Variants in EBF2 observed in about 807,000 individuals in gnomAD.
EBF2 encodes the protein transcription factor COE2.
Under a neutral mutation model 72.8 loss-of-function variants are expected in EBF2, and 21 were observed. The observed-to-expected ratio is 0.29, with a 90% CI of 0.20 to 0.42. The LOEUF is 0.42. Among genes scored for constraint, EBF2 ranks in the 10% least tolerant of loss-of-function variants. The pLI, the probability that EBF2 is intolerant of heterozygous loss-of-function variation, is 1.00. For missense variants in EBF2, 637 were observed against 731.2 expected (o/e 0.87, Z 1.49); for synonymous variants, 299 against 274.2 (o/e 1.09, Z -0.89).
At chr8:25,908,039 G>A (rs1031611990) in intron 7 of EBF2, among the ~76,000 whole-genome samples, 1 of 152,254 alleles carries the variant, frequency 6.6e-6, no homozygotes, top group African/African-American at 2.4e-5. Flanking sequence ...TGCTTGGGCT[G>A]CTGCCTTCCA....
rs532810942 is a variant in EBF2, at chr8:25,888,656, T to C, written c.752-684A>G. 7.9e-5 allele frequency among the ~76,000 whole-genome samples: 12 copies of C among 152,342 alleles called. No homozygotes were observed. The South Asian group carries it at 2.3e-3, about 29-fold the overall frequency. On this transcript the variant is annotated intron_variant, in intron 8 of 15. Transcript: ENST00000520164. ...ATCAAGAGACAATTTCTAATCACTC[T>C]ACTAACTTTGTAGGAAGGATTTTCC...
At chr8:26,041,032 T>A in intron 2 of EBF2, 30 bp from the exon 3 acceptor site, 1 of 1,612,888 alleles carries the variant, frequency 6.2e-7, no homozygotes. Flanking sequence ...TCGATTCCCT[T>A]GCCTTTCAGC....
intron 6 of EBF2, among the ~76,000 whole-genome samples, chr8:26,018,470 G>C (rs1308218508): frequency 1.4e-5 from 2 of 141,178 alleles, no homozygotes; most frequent in African/African-American, 2.7e-5. Context: ...GGCTAACATG[G>C]TGAAACCCCA....
At chr8:26,034,515 A>G (rs1805464716) in intron 5 of EBF2, among the ~76,000 whole-genome samples, 6 of 152,200 alleles carry the variant, frequency 3.9e-5, no homozygotes, top group Admixed American at 3.9e-4. Context: ...AAAACACTCC[A>G]GTCCAAAGGT....
At chr8:25,933,478 G>T (rs1033369923) in intron 6 of EBF2, among the ~76,000 whole-genome samples, 1 of 152,162 alleles carries the variant, frequency 6.6e-6, no homozygotes, top group Non-Finnish European at 1.5e-5. Context: ...ATCCACAGCT[G>T]GTGGGAGTAT....
intron 2 of EBF2, among the ~76,000 whole-genome samples, chr8:26,041,853 T>C (rs1418303862): frequency 1.3e-5 from 2 of 152,126 alleles, no homozygotes; most frequent in African/African-American, 2.4e-5. Flanking sequence ...AACCAGGCGC[T>C]ACTAAGGCCT....
intron 6 of EBF2, among the ~76,000 whole-genome samples, chr8:25,970,449 A>T (rs1177791151): frequency 2.0e-5 from 3 of 151,776 alleles, no homozygotes; most frequent in Non-Finnish European, 4.4e-5. Flanking sequence ...CCACAGAGCA[A>T]TTTTTTTTCC....
At chr8:25,985,644 A>G (rs1804437821) in intron 6 of EBF2, among the ~76,000 whole-genome samples, 2 of 152,182 alleles carry the variant, frequency 1.3e-5, no homozygotes. Flanking sequence ...AAGATTATTC[A>G]TGGTCCAGCC....
intron 6 of EBF2, among the ~76,000 whole-genome samples, chr8:25,971,558 G>A (rs1049229270): frequency 6.6e-6 from 1 of 152,060 alleles, no homozygotes; most frequent in African/African-American, 2.4e-5. Flanking sequence ...AGAAGGAGTC[G>A]TTTACAACAG....
chr8:25,877,873 GT>G (rs1350524432), intron 10 of EBF2, among the ~76,000 whole-genome samples: 1 of 152,090 alleles, frequency 6.6e-6, no homozygotes, highest in Non-Finnish European at 1.5e-5. Context: ...CAGAACTCAG[GT>G]TTCTCAAACT....
At chr8:26,002,639 G>A (rs1056714468) in intron 6 of EBF2, among the ~76,000 whole-genome samples, 6 of 152,206 alleles carry the variant, frequency 3.9e-5, no homozygotes, top group Non-Finnish European at 7.3e-5. Flanking sequence ...AATACTGCAG[G>A]ATGGAAATGC....
chr8:26,026,333 T>C (rs1805302221), intron 6 of EBF2, among the ~76,000 whole-genome samples: 1 of 152,214 alleles, frequency 6.6e-6, no homozygotes, highest in African/African-American at 2.4e-5. Context: ...TTAGCATACC[T>C]GACCCCCAAA....
chr8:25,903,972 A>G (rs942599873), intron 7 of EBF2, among the ~76,000 whole-genome samples: 1 of 152,204 alleles, frequency 6.6e-6, no homozygotes, highest in Admixed American at 6.5e-5. Flanking sequence ...CCAGGAACAG[A>G]GAGCATTTGA....
At chr8:25,962,165 G>A (rs967711041) in intron 6 of EBF2, among the ~76,000 whole-genome samples, 5 of 152,076 alleles carry the variant, frequency 3.3e-5, no homozygotes, top group Admixed American at 6.6e-5. Context: ...ATGTGTTCCT[G>A]TGCATGAAGA....
intron 7 of EBF2, among the ~76,000 whole-genome samples, chr8:25,894,815 CAACTGATCTGCT>C (rs1309050742): frequency 6.6e-6 from 1 of 152,200 alleles, no homozygotes; most frequent in African/African-American, 2.4e-5. Flanking sequence ...CACCTAAGAT[CAACTGATCTGCT>C]TTAAAAGAAG....
intron 10 of EBF2, among the ~76,000 whole-genome samples, chr8:25,883,279 T>C (rs1221164840): frequency 6.6e-6 from 1 of 152,204 alleles, no homozygotes; most frequent in Non-Finnish European, 1.5e-5. Flanking sequence ...GCTTCAAAAA[T>C]GTCAGCTATT....
intron 10 of EBF2, among the ~76,000 whole-genome samples, chr8:25,879,776 G>C (rs2117282378): frequency 6.6e-6 from 1 of 152,256 alleles, no homozygotes; most frequent in South Asian, 2.1e-4. Flanking sequence ...CTGGTCCTAT[G>C]GCTTTAAATC....
chr8:25,858,569 G>A, intron 13 of EBF2, 65 bp from the exon 14 acceptor site: 1 of 1,511,708 alleles, frequency 6.6e-7, no homozygotes, highest in Non-Finnish European at 8.9e-7. Context: ...CATGTGGCTA[G>A]CACAGGTCCT....
At chr8:25,871,604 A>C (rs1239415765) in intron 10 of EBF2, among the ~76,000 whole-genome samples, 4 of 152,244 alleles carry the variant, frequency 2.6e-5, no homozygotes, top group African/African-American at 7.2e-5. Context: ...TCAAGAGAGA[A>C]AACTCAGACA....
Sources: allele counts gnomAD v4.1 joint callset (sites outside exome capture counted in the v4.1 genomes callset), GRCh38; gene constraint gnomAD v4.1.1; transcripts MANE v1.5; gene names NCBI Gene and HGNC (gene_info 2026-07-23, HGNC 2026-07-21).